Variants in PRKN observed in about 807,000 individuals in gnomAD.
PRKN encodes the protein E3 ubiquitin-protein ligase parkin.
A neutral mutation model predicts 59.5 loss-of-function variants in PRKN; 56 were observed. That is an observed-to-expected ratio of 0.94 (90% CI 0.76 to 1.18). The LOEUF (loss-of-function observed/expected upper bound fraction) is 1.18, where lower values mean the gene tolerates loss of function less well. Among genes scored for constraint, PRKN ranks in the 50% most tolerant of loss-of-function variants. The pLI, the probability that PRKN is intolerant of heterozygous loss-of-function variation, is 0.00. For missense variants in PRKN, 657 were observed against 596.4 expected (o/e 1.10, Z -1.06); for synonymous variants, 250 against 222.1 (o/e 1.13, Z -1.12).
At chr6:161,625,357 G>C (rs1023768439) in intron 7 of PRKN, among the ~76,000 whole-genome samples, 2 of 138,800 alleles carry the variant, frequency 1.4e-5, no homozygotes, top group African/African-American at 2.7e-5. Flanking sequence ...GGTGGGAGTT[G>C]AACAATGAGA....
At chr6:161,928,231 T>C (rs1338633580) in intron 6 of PRKN, among the ~76,000 whole-genome samples, 1 of 152,224 alleles carries the variant, frequency 6.6e-6, no homozygotes, top group Non-Finnish European at 1.5e-5. Flanking sequence ...TAAATATCTG[T>C]TGTTTATAAG....
intron 1 of PRKN, among the ~76,000 whole-genome samples, chr6:162,561,053 A>T (rs368817447): frequency 1.3e-3 from 199 of 152,222 alleles, no homozygotes; most frequent in South Asian, 0.011. Flanking sequence ...TTTGCAGCCT[A>T]GGCGATCAAA....
rs559000918 is a variant in PRKN, at chr6:161,765,156, C to A, written c.871+20616G>T. On this transcript the variant is annotated intron_variant, in intron 7 of 11. Transcript: ENST00000366898. ...TTATCCCCAAAAACGCTTCCATAAT[C>A]TTCAGTGTTCCTTTAACATTCCTAT... Among the ~76,000 whole-genome samples, 199 of 152,326 alleles carry A rather than the reference C, an allele frequency of 1.3e-3. 1 individual carries two copies. The highest frequency in any genetic ancestry group is 4.6e-3 in the African/African-American group (193 of 41,574).
chr6:161,809,798 T>G (rs1791488049), intron 6 of PRKN, among the ~76,000 whole-genome samples: 1 of 152,168 alleles, frequency 6.6e-6, no homozygotes, highest in African/African-American at 2.4e-5. Flanking sequence ...AGAATGTAGG[T>G]GGATGAAGGA....
At chr6:162,716,746 C>T (rs146309964) in intron 1 of PRKN, among the ~76,000 whole-genome samples, 102 of 151,510 alleles carry the variant, frequency 6.7e-4, no homozygotes, top group African/African-American at 1.9e-3. Context: ...AGTCCATACA[C>T]CCTACCCGCC....
At chr6:162,150,483 G>A (rs1210426126) in intron 4 of PRKN, among the ~76,000 whole-genome samples, 2 of 152,152 alleles carry the variant, frequency 1.3e-5, no homozygotes, top group African/African-American at 2.4e-5. Flanking sequence ...GCCCCTGGCA[G>A]GATTCGTCTC....
chr6:162,310,439 A>C (rs187019997), intron 2 of PRKN, among the ~76,000 whole-genome samples: 2 of 152,208 alleles, frequency 1.3e-5, no homozygotes, highest in African/African-American at 4.8e-5. Context: ...TCAGGAGCTG[A>C]GGAAAGCAGG....
chr6:162,677,786 C>A (rs921326979), intron 1 of PRKN, among the ~76,000 whole-genome samples: 1 of 152,132 alleles, frequency 6.6e-6, no homozygotes, highest in Non-Finnish European at 1.5e-5. Flanking sequence ...AGGCAAAGGA[C>A]AACGTATTTT....
chr6:162,042,294 C>T (rs1784095413), intron 5 of PRKN, among the ~76,000 whole-genome samples: 1 of 151,796 alleles, frequency 6.6e-6, no homozygotes, highest in Non-Finnish European at 1.5e-5. Context: ...CATGACTGAA[C>T]CATAGTCCTT....
At chr6:162,433,453 AT>A (rs1430725105) in intron 2 of PRKN, among the ~76,000 whole-genome samples, 2 of 152,176 alleles carry the variant, frequency 1.3e-5, no homozygotes, top group East Asian at 3.8e-4. Flanking sequence ...TCTCATTTAT[AT>A]ATAGCAATAA....
At chr6:162,726,566 C>G (rs1226271207) in intron 1 of PRKN, among the ~76,000 whole-genome samples, 1 of 152,184 alleles carries the variant, frequency 6.6e-6, no homozygotes, top group Non-Finnish European at 1.5e-5. Context: ...GATTCTCCCA[C>G]TGATGGGGAG....
chr6:161,751,107 A>C (rs1788673717), intron 7 of PRKN, among the ~76,000 whole-genome samples: 1 of 152,216 alleles, frequency 6.6e-6, no homozygotes, highest in South Asian at 2.1e-4. Context: ...GAATGAGTAA[A>C]AAAAAGTTCA....
intron 1 of PRKN, among the ~76,000 whole-genome samples, chr6:162,645,930 A>G (rs1321676011): frequency 7.4e-6 from 1 of 136,034 alleles, no homozygotes; most frequent in African/African-American, 2.8e-5. Flanking sequence ...GCTGGAGTGC[A>G]GTGGCAAGAT....
intron 7 of PRKN, among the ~76,000 whole-genome samples, chr6:161,758,027 A>G (rs979435744): frequency 1.3e-5 from 2 of 150,616 alleles, no homozygotes; most frequent in Admixed American, 1.3e-4. Flanking sequence ...ATAGTGAGAC[A>G]CCACTACACA....
At chr6:161,450,716 C>G (rs938229680) in intron 9 of PRKN, among the ~76,000 whole-genome samples, 4 of 152,064 alleles carry the variant, frequency 2.6e-5, no homozygotes, top group Non-Finnish European at 5.9e-5. Context: ...GCCACCACAC[C>G]CAGCTAATTT....
At chr6:162,287,953 G>A (rs12192164) in intron 2 of PRKN, among the ~76,000 whole-genome samples, 12,359 of 152,080 alleles carry the variant, frequency 0.081, 660 homozygotes, top group South Asian at 0.24. Context: ...CCATGCTTGG[G>A]GTGGGCTTGG....
intron 4 of PRKN, among the ~76,000 whole-genome samples, chr6:162,149,352 C>T (rs1043943036): frequency 1.3e-5 from 2 of 152,084 alleles, no homozygotes; most frequent in South Asian, 2.1e-4. Context: ...TCAAGTGATT[C>T]TCATGCCTCG....
intron 4 of PRKN, among the ~76,000 whole-genome samples, chr6:162,197,094 G>A (rs1249050350): frequency 6.6e-6 from 1 of 152,076 alleles, no homozygotes; most frequent in South Asian, 2.1e-4. Context: ...AGCCACACAA[G>A]ATCCTATATT....
At chr6:161,900,591 ATATAT>A (rs1583319177) in intron 6 of PRKN, among the ~76,000 whole-genome samples, 2 of 94,166 alleles carry the variant, frequency 2.1e-5, no homozygotes, top group South Asian at 3.8e-4. Flanking sequence ...TTATATATTA[ATATAT>A]TATATATTAA....
Sources: allele counts gnomAD v4.1 joint callset (sites outside exome capture counted in the v4.1 genomes callset), GRCh38; gene constraint gnomAD v4.1.1; transcripts MANE v1.5; gene names NCBI Gene and HGNC (gene_info 2026-07-23, HGNC 2026-07-21).